Variants in FAM185A observed in about 807,000 individuals in gnomAD.
FAM185A encodes the protein protein FAM185A.
Under a neutral mutation model 45.7 loss-of-function variants are expected in FAM185A, and 21 were observed. The observed-to-expected ratio is 0.46, with a 90% CI of 0.33 to 0.66. The LOEUF is 0.66. Among genes scored for constraint, FAM185A ranks in the 30% least tolerant of loss-of-function variants. The probability of loss-of-function intolerance (pLI) is 0.03; values close to 1 mark genes in which losing one functional copy is unlikely to be tolerated. For synonymous variants in FAM185A, 117 were observed against 194.0 expected, an observed-to-expected ratio of 0.60 and a Z score of 3.30; for missense variants, 305 against 485.4, an observed-to-expected ratio of 0.63 and a Z score of 3.49.
chr7:102,797,573 AAAT>A (rs1796510037), intron 7 of FAM185A, among the ~76,000 whole-genome samples: 2 of 152,090 alleles, frequency 1.3e-5, no homozygotes, highest in Admixed American at 1.3e-4. Flanking sequence ...TATGTGTTAA[AAAT>A]AATAAAATTT....
At chr7:102,813,723 C>T (rs1262096180), downstream of FAM185A, among the ~76,000 whole-genome samples, 2 of 152,164 alleles carry the variant, frequency 1.3e-5, no homozygotes, top group Non-Finnish European at 2.9e-5. Flanking sequence ...CTCAGTAACT[C>T]TGATTCAGCC....
At chr7:102,828,695 G>C in the FAM185A span, among the ~76,000 whole-genome samples, 2 of 152,164 alleles carry the variant, frequency 1.3e-5, no homozygotes, top group Non-Finnish European at 1.5e-5. Context: ...TGTTTCAGTG[G>C]TCTAGAGACA....
intron 7 of FAM185A, among the ~76,000 whole-genome samples, chr7:102,803,984 A>G (rs1796951102): frequency 6.6e-6 from 1 of 152,252 alleles, no homozygotes; most frequent in African/African-American, 2.4e-5. Context: ...CAAGGAGGTG[A>G]AAGACCTCTA....
the FAM185A span, among the ~76,000 whole-genome samples, chr7:102,823,839 G>A: frequency 6.6e-6 from 1 of 152,168 alleles, no homozygotes; most frequent in African/African-American, 2.4e-5. Context: ...AACACGCTTT[G>A]TTTCCGGAAC....
At chr7:102,778,518 G>A (rs927074989) in intron 6 of FAM185A, among the ~76,000 whole-genome samples, 25 of 152,218 alleles carry the variant, frequency 1.6e-4, no homozygotes, top group Non-Finnish European at 3.5e-4. Flanking sequence ...TTAATGTTTT[G>A]CACAGTAGGC....
intron 4 of FAM185A, among the ~76,000 whole-genome samples, chr7:102,765,482 A>T (rs376129798): frequency 0.072 from 10,590 of 147,968 alleles, 448 homozygotes; most frequent in East Asian, 0.16. Flanking sequence ...CATTTTCAAT[A>T]TTTTTATATA....
chr7:102,835,820 G>A, the FAM185A span, among the ~76,000 whole-genome samples: 7 of 151,252 alleles, frequency 4.6e-5, no homozygotes, highest in African/African-American at 1.7e-4. Context: ...CGTTTTAGCC[G>A]GGATGGTCTC....
chr7:102,781,133 G>A lies in FAM185A; in HGVS notation c.931+3785G>A, dbSNP rs74629971. Among the ~76,000 whole-genome samples the A allele has an allele frequency of 6.8e-3, 1,032 of 152,270 alleles. 7 individuals are homozygous for A. Among genetic ancestry groups the A allele is most frequent in the African/African-American group, 0.023 (943 of 41,558 alleles). ...TAGGGGAGGGGCGTCCACCATTGCC[G>A]AGGCTTGAGTAGGTAAACAAGTGGC... On this transcript the variant is annotated intron_variant, in intron 6 of 7. Transcript: ENST00000413034.
At chr7:102,797,644 G>GT (rs1373394839) in intron 7 of FAM185A, among the ~76,000 whole-genome samples, 3 of 151,966 alleles carry the variant, frequency 2.0e-5, no homozygotes, top group Admixed American at 6.6e-5. Context: ...TAGTGAGTTG[G>GT]TAAGCTTTGT....
chr7:102,788,684 T>C (rs1275512308), intron 7 of FAM185A, among the ~76,000 whole-genome samples: 1 of 152,212 alleles, frequency 6.6e-6, no homozygotes, highest in African/African-American at 2.4e-5. Flanking sequence ...AGATACATTC[T>C]GAGAAATGTG....
Position 102,761,324 on chromosome 7 carries a change from G to C in FAM185A, c.706G>C (p.Asp236His). The C allele has an allele frequency of 1.3e-6, 2 of 1,547,252 alleles. No homozygotes were observed. Among genetic ancestry groups the C allele is most frequent in the Non-Finnish European group, 1.7e-6 (2 of 1,145,082 alleles). The change falls in exon 4 of 8, where the codon GAT becomes CAT. Residue 236 changes from aspartate to histidine, a missense_variant. Asp to His is a moderately conservative substitution (Grantham distance 81). Coordinates refer to ENST00000413034, the MANE Select transcript of FAM185A (RefSeq NM_001145268.2). Reference protein sequence around the residue: ...QGSSVTVSTEDGLLKAKYLYT... With the variant: ...QGSSVTVSTEHGLLKAKYLYT... ...AAGTTCTGTTACTGTATCTACCGAAGATGGTTTGCTGAAAGCCAAGTATCT... is the reference window on the plus strand; with the variant it reads ...AAGTTCTGTTACTGTATCTACCGAACATGGTTTGCTGAAAGCCAAGTATCT...
At chr7:102,780,254 A>T (rs6980434) in intron 6 of FAM185A, among the ~76,000 whole-genome samples, 69,897 of 151,682 alleles carry the variant, frequency 0.46, 18,181 homozygotes, top group African/African-American at 0.71. Flanking sequence ...GGGTTAATGC[A>T]TTATGGCAGG....
intron 5 of FAM185A, among the ~76,000 whole-genome samples, chr7:102,775,675 T>G (rs1352989739): frequency 4.6e-5 from 7 of 152,086 alleles, no homozygotes; most frequent in African/African-American, 1.5e-4. Context: ...TTTTCCCTCC[T>G]TGAGAAAGCG....
At chr7:102,758,883 G>A (rs1357970238) in intron 3 of FAM185A, among the ~76,000 whole-genome samples, 1 of 151,930 alleles carries the variant, frequency 6.6e-6, no homozygotes, top group East Asian at 1.9e-4. Flanking sequence ...TTGGTGGGGA[G>A]GAGTTGTGAG....
At chr7:102,810,794 C>T (rs531058528), downstream of FAM185A, among the ~76,000 whole-genome samples, 8 of 151,470 alleles carry the variant, frequency 5.3e-5, no homozygotes, top group African/African-American at 1.9e-4. Flanking sequence ...TTACTATGTT[C>T]ATCAGGTCTC....
the FAM185A span, among the ~76,000 whole-genome samples, chr7:102,829,833 A>G: frequency 6.6e-6 from 1 of 152,142 alleles, no homozygotes; most frequent in Non-Finnish European, 1.5e-5. Context: ...AATGTGTTTT[A>G]CGGCTCATCA....
chr7:102,799,989 C>G (rs1796685323), intron 7 of FAM185A, among the ~76,000 whole-genome samples: 1 of 152,114 alleles, frequency 6.6e-6, no homozygotes, highest in Non-Finnish European at 1.5e-5. Flanking sequence ...CTGAAGGAAG[C>G]AGATTGCTCC....
chr7:102,760,803 A>C (rs1470733233), intron 3 of FAM185A, among the ~76,000 whole-genome samples: 3 of 152,164 alleles, frequency 2.0e-5, no homozygotes, highest in African/African-American at 7.2e-5. Context: ...GAAGGGAGGA[A>C]ATGAAGCCAT....
At chr7:102,809,953 G>T (rs1797338479), downstream of FAM185A, among the ~76,000 whole-genome samples, 1 of 151,948 alleles carries the variant, frequency 6.6e-6, no homozygotes, top group South Asian at 2.1e-4. Flanking sequence ...TAAAAGTGTG[G>T]GTATCTTCCC....
Sources: allele counts gnomAD v4.1 joint callset (sites outside exome capture counted in the v4.1 genomes callset), GRCh38; gene constraint gnomAD v4.1.1; transcripts MANE v1.5; gene names NCBI Gene and HGNC (gene_info 2026-07-23, HGNC 2026-07-21).